Variants in CLVS1 observed in about 807,000 individuals in gnomAD.
CLVS1 encodes the protein clavesin 1.
A neutral mutation model predicts 33.1 loss-of-function variants in CLVS1; 10 were observed. The ratio of observed to expected loss-of-function variants is 0.30; its 90% confidence interval spans 0.19 to 0.51. The LOEUF is 0.51. Among genes scored for constraint, CLVS1 ranks in the 20% least tolerant of loss-of-function variants. CLVS1 has a pLI of 0.97. For missense variants in CLVS1, 343 were observed against 433.4 expected, an observed-to-expected ratio of 0.79 and a Z score of 1.85; for synonymous variants, 163 against 166.1, an observed-to-expected ratio of 0.98 and a Z score of 0.14.
chr8:61,333,736 A>G (rs117067013), intron 2 of CLVS1, among the ~76,000 whole-genome samples: 4,373 of 152,282 alleles, frequency 0.029, 78 homozygotes, highest in Middle Eastern at 0.068. Flanking sequence ...GTTCAGGGCT[A>G]CGTGTGTAGG....
intron 2 of CLVS1, among the ~76,000 whole-genome samples, chr8:61,183,766 A>T (rs1807286865): frequency 6.6e-6 from 1 of 152,166 alleles, no homozygotes; most frequent in Non-Finnish European, 1.5e-5. Context: ...GAGAAAACTT[A>T]ATTGAATCTA....
chr8:61,042,891 T>G, the CLVS1 span, among the ~76,000 whole-genome samples: 1 of 152,248 alleles, frequency 6.6e-6, no homozygotes, highest in Non-Finnish European at 1.5e-5. Context: ...GGAAGGATTC[T>G]GCAACACTGA....
chr8:61,411,259 C>G (rs1460464500), intron 3 of CLVS1, among the ~76,000 whole-genome samples: 1 of 152,206 alleles, frequency 6.6e-6, no homozygotes, highest in Non-Finnish European at 1.5e-5. Context: ...GAGGTTGTTG[C>G]TTGGCTTTGA....
intron 2 of CLVS1, among the ~76,000 whole-genome samples, chr8:61,232,024 T>TTTG (rs1808448261): frequency 2.1e-5 from 2 of 93,566 alleles, no homozygotes; most frequent in East Asian, 2.9e-4. Flanking sequence ...AAAGTTGTGG[T>TTTG]TTTTTTTTTT....
At chr8:61,082,020 G>A (rs963732065) in intron 1 of CLVS1, among the ~76,000 whole-genome samples, 1 of 152,146 alleles carries the variant, frequency 6.6e-6, no homozygotes, top group Non-Finnish European at 1.5e-5. Flanking sequence ...TATCACAGTG[G>A]AAATTCAAGA....
intron 3 of CLVS1, among the ~76,000 whole-genome samples, chr8:61,414,381 G>A (rs1044636937): frequency 1.3e-5 from 2 of 151,002 alleles, no homozygotes; most frequent in Non-Finnish European, 2.9e-5. Flanking sequence ...GGGCACTGCA[G>A]CTTCACTTGG....
chr8:61,455,132 C>A (rs934433181), intron 4 of CLVS1, among the ~76,000 whole-genome samples: 3 of 151,204 alleles, frequency 2.0e-5, no homozygotes, highest in Non-Finnish European at 4.4e-5. Context: ...GAAATGATTA[C>A]CACAATCAAG....
intron 2 of CLVS1, among the ~76,000 whole-genome samples, chr8:61,150,968 G>A (rs900093531): frequency 6.6e-5 from 10 of 152,226 alleles, no homozygotes; most frequent in African/African-American, 2.4e-4. Flanking sequence ...GAACCAGAGA[G>A]AGCCAGGGAC....
intron 1 of CLVS1, among the ~76,000 whole-genome samples, chr8:61,098,858 T>C (rs1380432409): frequency 6.6e-6 from 1 of 152,188 alleles, no homozygotes; most frequent in Non-Finnish European, 1.5e-5. Context: ...TGTGCTTCAA[T>C]ATACTGAACA....
the CLVS1 span, among the ~76,000 whole-genome samples, chr8:61,010,763 G>T: frequency 6.6e-6 from 1 of 152,208 alleles, no homozygotes; most frequent in Non-Finnish European, 1.5e-5. Flanking sequence ...CTGGCCCCAG[G>T]CTGGCCTGCC....
chr8:61,028,280 A>G, the CLVS1 span, among the ~76,000 whole-genome samples: 1 of 152,246 alleles, frequency 6.6e-6, no homozygotes, highest in Non-Finnish European at 1.5e-5. Context: ...ATTATAATAA[A>G]GGCTCTCCCA....
intron 2 of CLVS1, among the ~76,000 whole-genome samples, chr8:61,338,568 C>T (rs371929953): frequency 4.2e-4 from 64 of 152,294 alleles, no homozygotes; most frequent in Admixed American, 1.7e-3. Flanking sequence ...TCTGTACTTA[C>T]GCAATAAGGG....
chr8:61,286,563 TGTAA>T, upstream of CLVS1, among the ~76,000 whole-genome samples: 1 of 152,352 alleles, frequency 6.6e-6, no homozygotes, highest in East Asian at 1.9e-4. Context: ...CAGGCATACT[TGTAA>T]GTGCTTGGGA....
chr8:60,987,274 G>A, the CLVS1 span, among the ~76,000 whole-genome samples: 2 of 152,324 alleles, frequency 1.3e-5, no homozygotes, highest in African/African-American at 4.8e-5. Flanking sequence ...TGGAAATGAT[G>A]TCTAAAATAA....
At chr8:61,466,883 A>G (rs1353217489) in intron 5 of CLVS1, among the ~76,000 whole-genome samples, 2 of 152,138 alleles carry the variant, frequency 1.3e-5, no homozygotes, top group African/African-American at 4.8e-5. Context: ...TCCTGATCTC[A>G]GGTGATCCAC....
chr8:61,340,421 T>C (rs1401482760), intron 2 of CLVS1, among the ~76,000 whole-genome samples: 1 of 152,232 alleles, frequency 6.6e-6, no homozygotes, highest in Non-Finnish European at 1.5e-5. Flanking sequence ...GTTTCACATA[T>C]GAGTGAGATC....
chr8:61,375,881 A>C (rs1408996160), intron 2 of CLVS1, among the ~76,000 whole-genome samples: 1 of 152,196 alleles, frequency 6.6e-6, no homozygotes, highest in Non-Finnish European at 1.5e-5. Context: ...TCACGTGGCA[A>C]ATGGGCATAT....
At chr8:61,332,058 A>G (rs1195710916) in intron 2 of CLVS1, among the ~76,000 whole-genome samples, 1 of 152,146 alleles carries the variant, frequency 6.6e-6, no homozygotes, top group Non-Finnish European at 1.5e-5. Context: ...TTTGCATTGG[A>G]GTGCCTCCAA....
At chr8:61,238,217 A>C (rs1808607899) in intron 2 of CLVS1, among the ~76,000 whole-genome samples, 1 of 151,952 alleles carries the variant, frequency 6.6e-6, no homozygotes, top group Non-Finnish European at 1.5e-5. Context: ...TAATTCTAAC[A>C]CTCAGGACCT....
Sources: allele counts gnomAD v4.1 joint callset (sites outside exome capture counted in the v4.1 genomes callset), GRCh38; gene constraint gnomAD v4.1.1; transcripts MANE v1.5; gene names NCBI Gene and HGNC (gene_info 2026-07-23, HGNC 2026-07-21).